Variants in PRKAG2 observed in about 807,000 individuals in gnomAD.
PRKAG2 encodes protein kinase AMP-activated non-catalytic subunit gamma 2.
PRKAG2 carries 26 observed loss-of-function variants against 69.6 expected under a neutral mutation model. The ratio of observed to expected loss-of-function variants is 0.37; its 90% CI spans 0.27 to 0.52. PRKAG2 has a LOEUF of 0.52. Ranked by LOEUF, PRKAG2 falls within the 20% of genes least tolerant of loss-of-function variation. The probability of loss-of-function intolerance (pLI) is 0.90; values close to 1 mark genes in which losing one functional copy is unlikely to be tolerated. For synonymous variants in PRKAG2, 293 were observed against 285.0 expected (o/e 1.03, Z -0.28); for missense variants, 557 against 740.0 (o/e 0.75, Z 2.87).
At chr7:151,657,990 T>C (rs1454121486) in intron 4 of PRKAG2, among the ~76,000 whole-genome samples, 2 of 151,116 alleles carry the variant, frequency 1.3e-5, no homozygotes, top group Non-Finnish European at 2.9e-5. Context: ...AAACCCCATC[T>C]CTACTAAAAA....
chr7:151,672,977 G>A (rs1832308816), intron 4 of PRKAG2, among the ~76,000 whole-genome samples: 1 of 152,196 alleles, frequency 6.6e-6, no homozygotes, highest in Non-Finnish European at 1.5e-5. Context: ...CCTTGACCAA[G>A]GGCTGCGTGG....
chr7:151,816,718 T>A (rs1157280400), intron 1 of PRKAG2, among the ~76,000 whole-genome samples: 1 of 152,256 alleles, frequency 6.6e-6, no homozygotes, highest in Non-Finnish European at 1.5e-5. Flanking sequence ...CCGATGCAAG[T>A]GGTCGACCAG....
At chr7:151,650,144 G>A (rs1828243021) in intron 4 of PRKAG2, among the ~76,000 whole-genome samples, 1 of 152,252 alleles carries the variant, frequency 6.6e-6, no homozygotes, top group East Asian at 1.9e-4. Flanking sequence ...TTGCCTGGGA[G>A]GTGGAGGCTG....
At position 151,772,640 on chromosome 7, in the gene PRKAG2, G is replaced by T. The variant is rs550809341; in HGVS notation, c.466+8512C>A. On this transcript the variant is annotated intron_variant, in intron 3 of 15. Transcript: ENST00000287878. ...CAAGATTTAGATATTCAAATGTTTT[G>T]GAGGTACATTACTTAAAACACTTAA... Among the ~76,000 whole-genome samples, 5 of 152,252 alleles carry T rather than the reference G, an allele frequency of 3.3e-5. No homozygotes were observed. The East Asian group carries it at 5.8e-4, about 18-fold the overall frequency.
chr7:151,797,900 C>T (rs2077640996), intron 1 of PRKAG2, among the ~76,000 whole-genome samples: 1 of 152,182 alleles, frequency 6.6e-6, no homozygotes, highest in Non-Finnish European at 1.5e-5. Context: ...TAGTGGATTG[C>T]ACAACCACCA....
At chr7:151,605,669 G>A (rs2151190246) in intron 5 of PRKAG2, among the ~76,000 whole-genome samples, 1 of 152,260 alleles carries the variant, frequency 6.6e-6, no homozygotes, top group East Asian at 1.9e-4. Context: ...GCCAGGTGCA[G>A]TGGCTCACAC....
At chr7:151,640,309 C>T (rs1826460331) in intron 4 of PRKAG2, among the ~76,000 whole-genome samples, 1 of 152,048 alleles carries the variant, frequency 6.6e-6, no homozygotes, top group South Asian at 2.1e-4. Context: ...GACTCTGTCT[C>T]AACAAAAACA....
At chr7:151,587,528 A>AGAGT (rs1483382337) in intron 6 of PRKAG2, among the ~76,000 whole-genome samples, 4 of 152,170 alleles carry the variant, frequency 2.6e-5, no homozygotes, top group African/African-American at 9.7e-5. Context: ...CAGGTAATGG[A>AGAGT]GAGTGGTAAG....
chr7:151,661,151 G>A (rs1014062214), intron 4 of PRKAG2, among the ~76,000 whole-genome samples: 4 of 152,190 alleles, frequency 2.6e-5, no homozygotes, highest in Non-Finnish European at 1.5e-5. Context: ...ATTCGTGAAA[G>A]AACTAGCCAT....
chr7:151,784,605 C>T (rs1043913462), intron 2 of PRKAG2, among the ~76,000 whole-genome samples: 2 of 152,132 alleles, frequency 1.3e-5, no homozygotes, highest in Non-Finnish European at 2.9e-5. Context: ...AGACAGAGGG[C>T]CGGCCATTCA....
At chr7:151,748,749 T>C (rs2074464986) in intron 3 of PRKAG2, among the ~76,000 whole-genome samples, 1 of 152,158 alleles carries the variant, frequency 6.6e-6, no homozygotes, top group Non-Finnish European at 1.5e-5. Context: ...TCTCAAAAAC[T>C]CCCTTTGGCA....
In PRKAG2 at chr7:151,873,783, G is replaced by A. The variant is rs116750410; in HGVS notation, c.114+2724C>T. Among the ~76,000 whole-genome samples, 484 of 152,218 alleles carry A rather than the reference G, an allele frequency of 3.2e-3. 2 individuals carry two copies. Among genetic ancestry groups the A allele is most frequent in the African/African-American group, 0.011 (452 of 41,510 alleles). On this transcript the variant is annotated intron_variant, in intron 1 of 15. Coordinates refer to ENST00000287878, the MANE Select transcript of PRKAG2 (RefSeq NM_016203.4). ...CCTCACAGTCCTTTTTCTGGTTCTG[G>A]ATTTTGTCTCACACTATCGCTGGCA...
At chr7:151,669,403 C>T (rs1172564715) in intron 4 of PRKAG2, among the ~76,000 whole-genome samples, 2 of 152,222 alleles carry the variant, frequency 1.3e-5, no homozygotes, top group African/African-American at 4.8e-5. Context: ...TTTGATGTCA[C>T]TCAACACTCT....
At chr7:151,558,072 A>T (rs1804155020) in intron 15 of PRKAG2, 1 of 985,164 alleles carries the variant, frequency 1.0e-6, no homozygotes, top group Non-Finnish European at 1.2e-6. Context: ...AATCTATTAG[A>T]GCGTGTGGCT....
At chr7:151,616,700 C>T (rs1189019469) in intron 5 of PRKAG2, among the ~76,000 whole-genome samples, 2 of 152,246 alleles carry the variant, frequency 1.3e-5, no homozygotes, top group Non-Finnish European at 2.9e-5. Flanking sequence ...GGAACATACA[C>T]AGGAGGAGCC....
intron 15 of PRKAG2, chr7:151,559,760 G>C (rs957121839): frequency 1.0e-6 from 1 of 985,236 alleles, no homozygotes; most frequent in South Asian, 4.7e-5. Flanking sequence ...AGGGCATGCT[G>C]TTTGCTCCCA....
At chr7:151,705,687 T>A (rs148326700) in intron 3 of PRKAG2, among the ~76,000 whole-genome samples, 16 of 152,138 alleles carry the variant, frequency 1.1e-4, no homozygotes, top group African/African-American at 3.6e-4. Context: ...GGGTGTTCGA[T>A]TGGAGGGTGC....
rs190863830 is a variant in PRKAG2, at chr7:151,564,229, A to G, written c.1438-5T>C. ...TGTTTTCTCAGCAGCAAGATTCTGT[A>G]ATGAAGCAAGAGAATAAATTATATC... is the stretch of plus-strand genomic sequence containing the variant. On this transcript the variant is annotated splice_region_variant and splice_polypyrimidine_tract_variant and intron_variant, in intron 13 of 15. Coordinates refer to ENST00000287878, the MANE Select transcript of PRKAG2 (RefSeq NM_016203.4). 3.1e-6 allele frequency: 5 copies of G among 1,614,056 alleles called. No homozygotes were observed. In the East Asian group the frequency reaches 8.9e-5, roughly 29 times the overall value.
chr7:151,695,712 C>T (rs1475661125), intron 3 of PRKAG2, among the ~76,000 whole-genome samples: 1 of 152,224 alleles, frequency 6.6e-6, no homozygotes, highest in East Asian at 1.9e-4. Context: ...GGGCCACCTC[C>T]CCTGGGCAGC....
Sources: gnomAD v4.1 joint callset for allele counts (sites outside exome capture counted in the v4.1 genomes callset) on GRCh38, gnomAD v4.1.1 for gene constraint, MANE v1.5 for transcripts, NCBI Gene and HGNC (gene_info 2026-07-23, HGNC 2026-07-21) for gene names.